The following OSTN variants were observed in gnomAD, a reference collection of about 807,000 sequenced individuals.
The protein encoded by OSTN is osteocrin.
In OSTN, 9 loss-of-function variants were observed where a neutral mutation model predicts 12.0. The ratio of observed to expected loss-of-function variants is 0.75; its 90% confidence interval spans 0.45 to 1.30. OSTN has a LOEUF of 1.30. Among genes scored for constraint, OSTN ranks in the 50% most tolerant of loss-of-function variants. The pLI is 0.00. For missense variants in OSTN, 148 were observed against 152.3 expected (o/e 0.97, Z 0.15); for synonymous variants, 59 against 56.9 (o/e 1.04, Z -0.16).
chr3:191,204,991 C>A (rs949811131), intron 1 of OSTN, among the ~76,000 whole-genome samples: 1 of 152,086 alleles, frequency 6.6e-6, no homozygotes, highest in Admixed American at 6.5e-5. Context: ...AGTGTTTCTA[C>A]ATACTATTTT....
At chr3:191,205,655 G>A (rs534505257) in intron 1 of OSTN, among the ~76,000 whole-genome samples, 231 of 152,020 alleles carry the variant, frequency 1.5e-3, no homozygotes, top group African/African-American at 4.6e-3. Context: ...AAATGCAGGA[G>A]AGTAGTACTC....
At chr3:191,259,234 G>A (rs988165634) in intron 4 of OSTN, among the ~76,000 whole-genome samples, 6 of 149,548 alleles carry the variant, frequency 4.0e-5, no homozygotes, top group African/African-American at 1.2e-4. Context: ...TTGCTTTGTC[G>A]CCCAGACTGG....
At chr3:191,228,474 C>T (rs960557160) in intron 3 of OSTN, among the ~76,000 whole-genome samples, 1 of 152,140 alleles carries the variant, frequency 6.6e-6, no homozygotes, top group East Asian at 1.9e-4. Flanking sequence ...TCAAAAATCC[C>T]TCAGATATTA....
intron 3 of OSTN, among the ~76,000 whole-genome samples, chr3:191,226,614 A>T (rs947139448): frequency 2.0e-5 from 3 of 152,206 alleles, no homozygotes; most frequent in African/African-American, 7.2e-5. Context: ...ATAGCCACAA[A>T]AACTCTGCAA....
At chr3:191,253,521 A>T (rs753928944) in intron 4 of OSTN, among the ~76,000 whole-genome samples, 27 of 152,236 alleles carry the variant, frequency 1.8e-4, no homozygotes, top group Admixed American at 6.5e-5. Context: ...CTTATATAAC[A>T]TCTTAAGGTT....
chr3:191,238,843 T>C (rs537030828), intron 3 of OSTN, among the ~76,000 whole-genome samples: 1 of 152,242 alleles, frequency 6.6e-6, no homozygotes, highest in Admixed American at 6.5e-5. Flanking sequence ...ACCCAATTTA[T>C]GTATGAAGCT....
At chr3:191,227,145 A>T (rs1487232399) in intron 3 of OSTN, among the ~76,000 whole-genome samples, 1 of 152,182 alleles carries the variant, frequency 6.6e-6, no homozygotes, top group Non-Finnish European at 1.5e-5. Flanking sequence ...TTGAAAAATA[A>T]AGAAGAAAAA....
In OSTN at chr3:191,252,395, G is replaced by T. The variant is rs189292350; in HGVS notation, c.*12+2262G>T. On this transcript the variant is annotated intron_variant, in intron 4 of 4. Coordinates refer to ENST00000682035, the MANE Select transcript of OSTN (RefSeq NM_198184.2). Reference sequence around the variant, plus strand: ...TTTTTATATGAAGACTGAGACCATAGAAATTTCAGCAACTACCAAACTATG... The same window carrying T: ...TTTTTATATGAAGACTGAGACCATATAAATTTCAGCAACTACCAAACTATG... Among the ~76,000 whole-genome samples the T allele has an allele frequency of 2.9e-4, 44 of 152,260 alleles. No individual in the cohort carries two copies. In the East Asian group the frequency reaches 6.0e-3, roughly 21 times the overall value.
chr3:191,218,608 C>T (rs996618086), intron 2 of OSTN, 139 bp from the exon 3 acceptor site: 15 of 669,730 alleles, frequency 2.2e-5, no homozygotes, highest in Non-Finnish European at 3.8e-5. Flanking sequence ...TGACAACAAG[C>T]ACAAAACTTT....
At chr3:191,241,167 C>CTTTTTTTCTT (rs1715309768) in intron 3 of OSTN, among the ~76,000 whole-genome samples, 1 of 46,444 alleles carries the variant, frequency 2.2e-5, no homozygotes, top group Non-Finnish European at 4.9e-5. Flanking sequence ...TGTGCCTTGA[C>CTTTTTTTCTT]TTTTTTTTTT....
At chr3:191,255,701 A>T (rs1715654698) in intron 4 of OSTN, among the ~76,000 whole-genome samples, 1 of 152,174 alleles carries the variant, frequency 6.6e-6, no homozygotes, top group Non-Finnish European at 1.5e-5. Context: ...GTAAGATATA[A>T]ATAGCCCTAA....
chr3:191,222,292 C>T (rs1714785812), intron 3 of OSTN, among the ~76,000 whole-genome samples: 1 of 152,166 alleles, frequency 6.6e-6, no homozygotes, highest in Non-Finnish European at 1.5e-5. Flanking sequence ...TGCTGTGCAC[C>T]TGGAAAAGCC....
intron 1 of OSTN, among the ~76,000 whole-genome samples, chr3:191,204,722 A>C (rs532435990): frequency 6.6e-6 from 1 of 152,240 alleles, no homozygotes; most frequent in Non-Finnish European, 1.5e-5. Context: ...CTTTGTTCAA[A>C]TATTGTCACT....
intron 3 of OSTN, among the ~76,000 whole-genome samples, chr3:191,237,491 A>C (rs1414042798): frequency 6.6e-6 from 1 of 152,192 alleles, no homozygotes; most frequent in East Asian, 1.9e-4. Context: ...AGTGAAGTAC[A>C]CTTGGAAGAA....
chr3:191,262,897 A>G lies in OSTN; in HGVS notation c.*44A>G. On this transcript the variant is annotated 3_prime_UTR_variant, in exon 5 of 5. Transcript: ENST00000682035. ...CTTCCTTGGGTGAAATGTCACAGCA[A>G]TATGGAAGATGCTTCACTGAAGTTA... The G allele has an allele frequency of 1.4e-6, 1 of 702,168 alleles. No individual in the cohort carries two copies. The highest frequency in any genetic ancestry group is 2.6e-6 in the Non-Finnish European group (1 of 384,464). 43.5% of individuals were successfully genotyped at this position (702,168 alleles called of 1,614,324 possible).
intron 4 of OSTN, among the ~76,000 whole-genome samples, chr3:191,251,915 T>G (rs1361967555): frequency 6.6e-6 from 1 of 152,240 alleles, no homozygotes; most frequent in Non-Finnish European, 1.5e-5. Flanking sequence ...CTGAGAACAT[T>G]ATGACAGTGA....
intron 3 of OSTN, among the ~76,000 whole-genome samples, chr3:191,232,556 A>C (rs1044197889): frequency 6.7e-6 from 1 of 150,332 alleles, no homozygotes; most frequent in East Asian, 1.9e-4. Flanking sequence ...ATTTTTTGAG[A>C]TGGAGTCTCA....
intron 1 of OSTN, among the ~76,000 whole-genome samples, chr3:191,211,580 T>TGC (rs1714419316): frequency 1.3e-5 from 2 of 152,262 alleles, no homozygotes; most frequent in South Asian, 2.1e-4. Flanking sequence ...TTGTAAAGCA[T>TGC]CCAATTTTCT....
At chr3:191,258,826 T>C (rs1329328892) in intron 4 of OSTN, among the ~76,000 whole-genome samples, 2 of 152,310 alleles carry the variant, frequency 1.3e-5, no homozygotes, top group Admixed American at 6.5e-5. Flanking sequence ...TAGCCCCCTG[T>C]AGTAACAAGC....
Sources: allele counts gnomAD v4.1 joint callset (sites outside exome capture counted in the v4.1 genomes callset), GRCh38; gene constraint gnomAD v4.1.1; transcripts MANE v1.5; gene names NCBI Gene and HGNC (gene_info 2026-07-23, HGNC 2026-07-21).